SGPL1: variants seen among roughly 807,000 people sequenced by gnomAD.
SGPL1 encodes the protein sphingosine-1-phosphate lyase 1, also known as SP-lyase 1.
A neutral mutation model predicts 68.9 loss-of-function variants in SGPL1; 37 were observed. The observed-to-expected ratio is 0.54, with a 90% confidence interval of 0.41 to 0.71. The LOEUF (loss-of-function observed/expected upper bound fraction) is 0.71. SGPL1 is among the 30% of genes least tolerant of loss of function. The pLI is 0.00. For synonymous variants in SGPL1, 236 were observed against 248.5 expected (o/e 0.95, Z 0.47); for missense variants, 551 against 704.6 (o/e 0.78, Z 2.47).
At chr10:70,859,187 A>T (rs1846009593) in intron 6 of SGPL1, among the ~76,000 whole-genome samples, 184 bp from the exon 7 acceptor site, 2 of 152,130 alleles carry the variant, frequency 1.3e-5, no homozygotes, top group Admixed American at 1.3e-4. Context: ...ACATTGTAAA[A>T]TTATTTATTT....
At chr10:70,844,181 T>C (rs923711452) in intron 2 of SGPL1, among the ~76,000 whole-genome samples, 1 of 152,180 alleles carries the variant, frequency 6.6e-6, no homozygotes, top group African/African-American at 2.4e-5. Flanking sequence ...AGCAGTCATA[T>C]AGAAATTTTA....
In SGPL1 at chr10:70,881,146, TA is replaced by T. The variant is rs1481797412; in HGVS notation, c.*3813del. ...TCCCTATAATTTCAATTATTTGGAT[TA>T]ATTTTAGAATAAACCTATTTATTTC... On this transcript the variant is annotated 3_prime_UTR_variant, in exon 15 of 15. Coordinates refer to ENST00000373202, the MANE Select transcript of SGPL1 (RefSeq NM_003901.4). 3 of 152,158 alleles carry T rather than the reference TA, an allele frequency of 2.0e-5. No homozygotes were observed. In the East Asian group the frequency reaches 5.8e-4, roughly 29 times the overall value. The allele number at this position is 152,158 out of a possible 1,614,324, so 9.4% of individuals were successfully genotyped here.
intron 7 of SGPL1, among the ~76,000 whole-genome samples, chr10:70,861,469 C>A (rs1001081288): frequency 6.6e-6 from 1 of 152,148 alleles, no homozygotes; most frequent in African/African-American, 2.4e-5. Context: ...AGTGAGAGGT[C>A]ACAGCGTGCT....
At chr10:70,868,783 C>G (rs1263157101) in intron 8 of SGPL1, among the ~76,000 whole-genome samples, 2 of 152,132 alleles carry the variant, frequency 1.3e-5, no homozygotes, top group Non-Finnish European at 2.9e-5. Flanking sequence ...AGAAACCTCT[C>G]TAGGTACTTT....
rs148718899 is a variant in SGPL1, at chr10:70,816,781, G to C, written c.-43-30G>C. On this transcript the variant is annotated intron_variant, in intron 1 of 14. Transcript: ENST00000373202. ...GCTGGCGAGACAGTTTAAAGCTCTA[G>C]AAGTAAACAAACCTGGTTCCCTTTT... The C allele has an allele frequency of 4.7e-6, 7 of 1,479,536 alleles. No homozygotes were observed. In the African/African-American group the frequency reaches 8.3e-5, roughly 18 times the overall value. The allele number at this position is 1,479,536 out of a possible 1,614,324, so 91.7% of individuals were successfully genotyped here.
intron 2 of SGPL1, among the ~76,000 whole-genome samples, chr10:70,820,810 C>T (rs901829807): frequency 2.6e-5 from 4 of 151,904 alleles, no homozygotes; most frequent in South Asian, 2.1e-4. Context: ...TCTTTTACGT[C>T]GCATTTAATG....
intron 13 of SGPL1, among the ~76,000 whole-genome samples, chr10:70,876,188 C>G (rs1846381561): frequency 6.6e-6 from 1 of 152,172 alleles, no homozygotes; most frequent in South Asian, 2.1e-4. Flanking sequence ...GGCCCTGTCC[C>G]CATGAGAGCA....
intron 2 of SGPL1, among the ~76,000 whole-genome samples, chr10:70,831,188 T>C (rs1591917): frequency 0.046 from 6,934 of 152,234 alleles, 193 homozygotes; most frequent in East Asian, 0.13. Flanking sequence ...TAATTTTTCA[T>C]TGGAAGCCGT....
At chr10:70,866,413 G>T (rs1479937860) in intron 7 of SGPL1, 1 of 152,004 alleles carries the variant, frequency 6.6e-6, no homozygotes, top group African/African-American at 2.4e-5. Flanking sequence ...GAAAAAAGTA[G>T]AATTTAGGTA....
chr10:70,836,509 C>T (rs1474777970), intron 2 of SGPL1, among the ~76,000 whole-genome samples: 2 of 151,432 alleles, frequency 1.3e-5, no homozygotes, highest in East Asian at 3.9e-4. Flanking sequence ...TTTCTTTTTC[C>T]CCTTCCTTTC....
intron 7 of SGPL1, among the ~76,000 whole-genome samples, chr10:70,864,516 G>GT (rs1265904183): frequency 6.6e-6 from 1 of 152,008 alleles, no homozygotes; most frequent in African/African-American, 2.4e-5. Context: ...TACTGGCTTT[G>GT]TTTTTTTAGG....
chr10:70,862,529 T>A (rs188618980), intron 7 of SGPL1, among the ~76,000 whole-genome samples: 4 of 152,200 alleles, frequency 2.6e-5, no homozygotes, highest in Admixed American at 2.0e-4. Flanking sequence ...CTGTGGAAGC[T>A]TTGTTCTTTC....
chr10:70,833,961 G>T (rs1845585592), intron 2 of SGPL1, among the ~76,000 whole-genome samples: 2 of 152,116 alleles, frequency 1.3e-5, no homozygotes, highest in South Asian at 4.1e-4. Flanking sequence ...TAAATATTAG[G>T]CAGGAACAAT....
chr10:70,821,009 T>C (rs1396533386), intron 2 of SGPL1, among the ~76,000 whole-genome samples: 2 of 152,204 alleles, frequency 1.3e-5, no homozygotes, highest in Non-Finnish European at 1.5e-5. Context: ...GGAGTCCACA[T>C]ATAACAAGCC....
chr10:70,853,869 G>T (rs1262592373), intron 4 of SGPL1, among the ~76,000 whole-genome samples: 1 of 152,208 alleles, frequency 6.6e-6, no homozygotes, highest in Non-Finnish European at 1.5e-5. Flanking sequence ...TTCTTAGAAT[G>T]CCTTGTGCTA....
chr10:70,869,691 A>G lies in SGPL1; in HGVS notation c.705-101A>G, dbSNP rs1477046371. On this transcript the variant is annotated intron_variant, in intron 8 of 14. Coordinates refer to ENST00000373202, the MANE Select transcript of SGPL1 (RefSeq NM_003901.4). Reference sequence around the variant, plus strand: ...ACACTTAAATTTTTAATTTGGGGAAAAATAATCAGAACTTACTCCCGGTAA... The same window carrying G: ...ACACTTAAATTTTTAATTTGGGGAAGAATAATCAGAACTTACTCCCGGTAA... 15 of 883,540 alleles carry G rather than the reference A, an allele frequency of 1.7e-5. No individual in the cohort carries two copies. The Admixed American group carries it at 3.3e-4, about 19-fold the overall frequency. 54.7% of individuals were successfully genotyped at this position (883,540 alleles called of 1,614,324 possible).
chr10:70,872,496 C>G (rs1360358798), intron 11 of SGPL1, among the ~76,000 whole-genome samples: 1 of 152,170 alleles, frequency 6.6e-6, no homozygotes, highest in Admixed American at 6.5e-5. Context: ...GATGGCCACG[C>G]CTGCCACCCT....
chr10:70,861,856 G>A (rs988408730), intron 7 of SGPL1, among the ~76,000 whole-genome samples: 21 of 152,210 alleles, frequency 1.4e-4, no homozygotes, highest in Non-Finnish European at 2.8e-4. Context: ...TCGATTTCTC[G>A]CTGGGCCTTA....
chr10:70,841,180 A>T (rs1294456061), intron 2 of SGPL1, among the ~76,000 whole-genome samples: 2 of 152,064 alleles, frequency 1.3e-5, no homozygotes, highest in African/African-American at 4.8e-5. Flanking sequence ...GAGGTTGTTG[A>T]TGCAACAGTG....
Sources: allele counts gnomAD v4.1 joint callset (sites outside exome capture counted in the v4.1 genomes callset), GRCh38; gene constraint gnomAD v4.1.1; transcripts MANE v1.5; gene names NCBI Gene and HGNC (gene_info 2026-07-23, HGNC 2026-07-21).